Variants in SHCBP1L observed in about 807,000 individuals in gnomAD.
The protein encoded by SHCBP1L is testicular spindle-associated protein SHCBP1L.
In SHCBP1L, 67 loss-of-function variants were observed where a neutral mutation model predicts 62.5. The ratio of observed to expected loss-of-function variants is 1.07; its 90% CI spans 0.88 to 1.31. The LOEUF (loss-of-function observed/expected upper bound fraction) is 1.31. Ranked by LOEUF, SHCBP1L falls within the 40% of genes most tolerant of loss-of-function variation. The probability of loss-of-function intolerance (pLI) is 0.00; values close to 1 mark genes in which losing one functional copy is unlikely to be tolerated. For missense variants in SHCBP1L, 823 were observed against 809.8 expected (o/e 1.02, Z -0.20); for synonymous variants, 284 against 289.4 (o/e 0.98, Z 0.19).
At chr1:182,931,320 C>T (rs1045049196) in intron 5 of SHCBP1L, among the ~76,000 whole-genome samples, 5 of 151,862 alleles carry the variant, frequency 3.3e-5, no homozygotes, top group African/African-American at 1.2e-4. Flanking sequence ...CAGGAAACCA[C>T]AGTAGTTTAT....
At chr1:182,932,468 A>ATTATTTACTTATTTAT (rs774122504) in intron 5 of SHCBP1L, among the ~76,000 whole-genome samples, 96 of 151,148 alleles carry the variant, frequency 6.4e-4, no homozygotes, top group African/African-American at 2.3e-3. Flanking sequence ...ATGGAATTTT[A>ATTATTTACTTATTTAT]TTATTTATTT....
At chr1:182,940,672 A>G in intron 2 of SHCBP1L, 129 bp from the exon 3 acceptor site, 1 of 660,120 alleles carries the variant, frequency 1.5e-6, no homozygotes, top group East Asian at 2.8e-5. Context: ...AACAATCAAC[A>G]TACAGAATAA....
chr1:182,948,891 A>G (rs1651659703), intron 2 of SHCBP1L, among the ~76,000 whole-genome samples: 1 of 152,198 alleles, frequency 6.6e-6, no homozygotes, highest in African/African-American at 2.4e-5. Flanking sequence ...CCCAAGAGCC[A>G]TTCTCACTTG....
At position 182,899,869 on chromosome 1, in the gene SHCBP1L, A is replaced by C; in HGVS notation, c.*114T>G. The stretch of plus-strand genomic sequence containing the variant: ...ATGAATCATTCAGTGAAAGCATGAT[A>C]TTTAAATATTTTTTAATTAAGCTTT... On this transcript the variant is annotated 3_prime_UTR_variant, in exon 10 of 10. Transcript: ENST00000367547. The C allele has an allele frequency of 1.2e-6, 1 of 858,916 alleles. No homozygotes were observed. Among genetic ancestry groups the C allele is most frequent in the Non-Finnish European group, 1.7e-6 (1 of 585,296 alleles). The allele number at this position is 858,916 out of a possible 1,614,324, so 53.2% of individuals were successfully genotyped here.
At chr1:182,906,451 G>C (rs1308362086) in intron 6 of SHCBP1L, among the ~76,000 whole-genome samples, 2 of 145,414 alleles carry the variant, frequency 1.4e-5, no homozygotes, top group Non-Finnish European at 3.0e-5. Context: ...TTTTTTCCGA[G>C]ATCGAATTTC....
In SHCBP1L at chr1:182,908,203, G is replaced by A. The variant is rs139409137; in HGVS notation, c.1183-2554C>T. Among the ~76,000 whole-genome samples, 544 of 137,724 alleles carry A rather than the reference G, an allele frequency of 3.9e-3. 1 individual carries two copies. Among genetic ancestry groups the A allele is most frequent in the Middle Eastern group, 0.032 (9 of 284 alleles). The allele number at this position is 137,724 out of a possible 152,430, so 90.4% of individuals were successfully genotyped here. A position where few individuals can be genotyped will look rare whatever the true frequency, so the allele number is the denominator to read the frequency against. On this transcript the variant is annotated intron_variant, in intron 6 of 9. Transcript: ENST00000367547. ...TGCATGTGCAGGGTTTACTATGTTC[G>A]TTTATTGCATCCAGGTATTGAGCAT...
At chr1:182,909,373 C>A (rs1435212349) in intron 6 of SHCBP1L, among the ~76,000 whole-genome samples, 6 of 151,974 alleles carry the variant, frequency 3.9e-5, no homozygotes, top group Admixed American at 1.3e-4. Flanking sequence ...TACAAGAATG[C>A]GTAAAGAGGG....
At chr1:182,912,658 G>A (rs931153729) in intron 6 of SHCBP1L, among the ~76,000 whole-genome samples, 2 of 151,880 alleles carry the variant, frequency 1.3e-5, no homozygotes, top group Admixed American at 6.6e-5. Context: ...AAGTAGCTGA[G>A]ATTACAGGTG....
chr1:182,907,636 G>A (rs1650058515), intron 6 of SHCBP1L, among the ~76,000 whole-genome samples: 1 of 151,608 alleles, frequency 6.6e-6, no homozygotes. Flanking sequence ...CCAGGCTGGA[G>A]TGCAGTGGCA....
intron 5 of SHCBP1L, among the ~76,000 whole-genome samples, chr1:182,938,129 T>C (rs561642645): frequency 1.3e-5 from 2 of 151,988 alleles, no homozygotes; most frequent in African/African-American, 4.8e-5. Flanking sequence ...CTTTCTGAGA[T>C]GGAGTTTCGC....
At chr1:182,921,421 A>G (rs1238464214) in intron 6 of SHCBP1L, among the ~76,000 whole-genome samples, 3 of 152,218 alleles carry the variant, frequency 2.0e-5, no homozygotes, top group East Asian at 3.8e-4. Context: ...GACCATTCAC[A>G]CTATAAAGTA....
At chr1:182,947,949 C>T (rs573586849) in intron 2 of SHCBP1L, among the ~76,000 whole-genome samples, 1 of 152,324 alleles carries the variant, frequency 6.6e-6, no homozygotes, top group Admixed American at 6.5e-5. Context: ...AATGCTAGGA[C>T]TACAAGCACA....
intron 9 of SHCBP1L, among the ~76,000 whole-genome samples, chr1:182,900,530 C>T (rs901189838): frequency 1.3e-5 from 2 of 152,112 alleles, no homozygotes; most frequent in African/African-American, 4.8e-5. Flanking sequence ...CCTCCCGGTT[C>T]AAGTGATTCT....
chr1:182,940,254 G>T, intron 3 of SHCBP1L, 75 bp downstream of exon 3: 1 of 1,252,664 alleles, frequency 8.0e-7, no homozygotes, highest in Non-Finnish European at 1.1e-6. Flanking sequence ...CTTGTAAAGC[G>T]ATTATATGAA....
At chr1:182,930,327 TTA>T (rs1303985349) in intron 5 of SHCBP1L, among the ~76,000 whole-genome samples, 1 of 151,916 alleles carries the variant, frequency 6.6e-6, no homozygotes, top group Non-Finnish European at 1.5e-5. Context: ...CTGCTTTTCT[TTA>T]TGTTTCCTGT....
rs1486612124 is a variant in SHCBP1L at position 182,930,685 on chromosome 1, G to A, written c.1077-933C>T. ...TGTGTGTGTGTGTGTGTGTGTGTGT[G>A]TGTGTGTGTGTGTGTGTGTATATAT... On this transcript the variant is annotated intron_variant, in intron 5 of 9. Coordinates refer to ENST00000367547, the MANE Select transcript of SHCBP1L (RefSeq NM_030933.4). Among the ~76,000 whole-genome samples, 40 of 80,296 alleles carry A rather than the reference G, an allele frequency of 5.0e-4. 1 individual carries two copies. The highest frequency in any genetic ancestry group is 2.8e-3 in the African/African-American group (38 of 13,806). 52.7% of individuals were successfully genotyped at this position (80,296 alleles called of 152,430 possible).
intron 9 of SHCBP1L, 75 bp downstream of exon 9, chr1:182,902,964 C>T (rs1649888509): frequency 8.2e-7 from 1 of 1,218,866 alleles, no homozygotes; most frequent in African/African-American, 1.5e-5. Context: ...CCTTTTAAGA[C>T]TAAAACTAAT....
intron 2 of SHCBP1L, among the ~76,000 whole-genome samples, chr1:182,950,205 A>G (rs1244294170): frequency 6.6e-6 from 1 of 152,252 alleles, no homozygotes; most frequent in Non-Finnish European, 1.5e-5. Context: ...CCAAAAATAC[A>G]GATTTAAACT....
In SHCBP1L at chr1:182,906,482, T is replaced by G. The variant is rs777065554; in HGVS notation, c.1183-833A>C. 2.0e-5 allele frequency among the ~76,000 whole-genome samples: 3 copies of G among 150,968 alleles called. No homozygotes were observed. The South Asian group carries it at 6.3e-4, about 32-fold the overall frequency. On this transcript the variant is annotated intron_variant, in intron 6 of 9. Transcript: ENST00000367547. ...ATTTCACTCTTGTCACCCAGGTTGG[T>G]GTGCAATGGCACGATCTCAGCTCAC...
Sources: gnomAD v4.1 joint callset for allele counts (sites outside exome capture counted in the v4.1 genomes callset) on GRCh38, gnomAD v4.1.1 for gene constraint, MANE v1.5 for transcripts, NCBI Gene and HGNC (gene_info 2026-07-23, HGNC 2026-07-21) for gene names.